KLHL29: variants seen among roughly 807,000 people sequenced by gnomAD.
The protein encoded by KLHL29 is kelch like family member 29.
A neutral mutation model predicts 80.4 loss-of-function variants in KLHL29; 21 were observed. The ratio of observed to expected loss-of-function variants is 0.26; its 90% CI spans 0.19 to 0.38. The LOEUF is 0.38. Among genes scored for constraint, KLHL29 ranks in the 10% least tolerant of loss-of-function variants. The probability of loss-of-function intolerance (pLI) is 1.00; values close to 1 mark genes in which losing one functional copy is unlikely to be tolerated. For synonymous variants in KLHL29, 511 were observed against 526.8 expected (o/e 0.97, Z 0.41); for missense variants, 867 against 1,223.9 (o/e 0.71, Z 4.35).
At chr2:23,639,367 A>T in intron 4 of KLHL29, 87 bp downstream of exon 4, 1 of 1,366,972 alleles carries the variant, frequency 7.3e-7, no homozygotes, top group Non-Finnish European at 9.9e-7. Context: ...ACTCCTGCAC[A>T]GCAGGTCTTG....
At chr2:23,395,595 A>C (rs1314880049) in intron 1 of KLHL29, among the ~76,000 whole-genome samples, 1 of 152,110 alleles carries the variant, frequency 6.6e-6, no homozygotes, top group Non-Finnish European at 1.5e-5. Context: ...AGCTACAAAA[A>C]TTAGCCAGGC....
chr2:23,579,348 T>TC (rs1667923890), intron 3 of KLHL29, among the ~76,000 whole-genome samples: 1 of 152,180 alleles, frequency 6.6e-6, no homozygotes, highest in African/African-American at 2.4e-5. Flanking sequence ...CCAGTTCTTT[T>TC]CCCCAGATGT....
intron 3 of KLHL29, among the ~76,000 whole-genome samples, chr2:23,605,575 C>T (rs1372209658): frequency 6.6e-6 from 1 of 152,122 alleles, no homozygotes; most frequent in Admixed American, 6.5e-5. Context: ...TGTTGAGCTA[C>T]AAAGTCGATT....
Position 23,520,999 on chromosome 2 carries a change from C to G in KLHL29, c.-45-41153C>G, listed in dbSNP as rs73919733. Among the ~76,000 whole-genome samples, 513 of 147,832 alleles carry G rather than the reference C, an allele frequency of 3.5e-3. 12 individuals carry two copies. The highest frequency in any genetic ancestry group is 0.011 in the African/African-American group (405 of 37,390). On this transcript the variant is annotated intron_variant, in intron 2 of 13. Transcript: ENST00000486442. Reference sequence around the variant, plus strand: ...TTTCATTTTACAAAGACCACCCCCCCCCCCGCTCCCCCTCAGGGGTGTTTC... The same window carrying G: ...TTTCATTTTACAAAGACCACCCCCCGCCCCGCTCCCCCTCAGGGGTGTTTC...
intron 5 of KLHL29, among the ~76,000 whole-genome samples, chr2:23,676,193 T>G (rs893453808): frequency 2.0e-5 from 3 of 152,038 alleles, no homozygotes; most frequent in Non-Finnish European, 1.5e-5. Flanking sequence ...TTTTGTTTTT[T>G]TTTTTTTTGA....
intron 1 of KLHL29, among the ~76,000 whole-genome samples, chr2:23,399,500 A>G (rs1250550052): frequency 6.6e-6 from 1 of 152,218 alleles, no homozygotes; most frequent in Non-Finnish European, 1.5e-5. Context: ...GTGTTTTACA[A>G]TTTAGCAACT....
rs184272331 is a variant in KLHL29 at position 23,560,724 on chromosome 2, G to A, written c.-45-1428G>A. Among the ~76,000 whole-genome samples the A allele has an allele frequency of 4.6e-5, 7 of 152,344 alleles. No individual in the cohort carries two copies. The East Asian group carries it at 1.4e-3, about 29-fold the overall frequency. On this transcript the variant is annotated intron_variant, in intron 2 of 13. Transcript: ENST00000486442. ...TCACCTGGGCTGCAGGGTGGGTTCA[G>A]GTCTGCCCAGTGTGCCTGGCAGAGG...
At chr2:23,634,806 T>C (rs1167817657) in intron 3 of KLHL29, among the ~76,000 whole-genome samples, 1 of 152,224 alleles carries the variant, frequency 6.6e-6, no homozygotes, top group African/African-American at 2.4e-5. Flanking sequence ...GCTGTTTCAC[T>C]GCTCTGCTCT....
chr2:23,657,239 CCCCCA>C (rs1670272103), intron 5 of KLHL29, among the ~76,000 whole-genome samples: 1 of 152,158 alleles, frequency 6.6e-6, no homozygotes, highest in African/African-American at 2.4e-5. Flanking sequence ...GTACGGAATT[CCCCCA>C]ACCCGGGCAC....
intron 3 of KLHL29, among the ~76,000 whole-genome samples, chr2:23,609,726 C>G (rs961946274): frequency 8.5e-5 from 13 of 152,138 alleles, no homozygotes; most frequent in African/African-American, 2.9e-4. Context: ...CCAGAGCCTA[C>G]TACAAGCACT....
At chr2:23,560,561 A>G (rs1216264444) in intron 2 of KLHL29, among the ~76,000 whole-genome samples, 2 of 152,200 alleles carry the variant, frequency 1.3e-5, no homozygotes, top group Non-Finnish European at 2.9e-5. Flanking sequence ...AGGCCACTGC[A>G]TCCAGCCTGG....
At chr2:23,604,508 T>A (rs1668656436) in intron 3 of KLHL29, among the ~76,000 whole-genome samples, 1 of 152,218 alleles carries the variant, frequency 6.6e-6, no homozygotes, top group South Asian at 2.1e-4. Flanking sequence ...TTGACAGTGA[T>A]GAAAATGACT....
intron 1 of KLHL29, among the ~76,000 whole-genome samples, chr2:23,444,976 A>G (rs1663630814): frequency 6.6e-6 from 1 of 152,234 alleles, no homozygotes; most frequent in South Asian, 2.1e-4. Flanking sequence ...GCAGGTCCTC[A>G]ATGTCATCCA....
At chr2:23,495,497 A>G (rs1317704332) in intron 2 of KLHL29, among the ~76,000 whole-genome samples, 1 of 152,180 alleles carries the variant, frequency 6.6e-6, no homozygotes, top group Admixed American at 6.5e-5. Flanking sequence ...AAACCAGTAC[A>G]ATACTCTTTA....
chr2:23,422,257 G>C (rs1478165919), intron 1 of KLHL29, among the ~76,000 whole-genome samples: 1 of 151,834 alleles, frequency 6.6e-6, no homozygotes. Context: ...TCATGTGTCT[G>C]TGTCTGTGTG....
chr2:23,690,049 G>A (rs982406254), intron 6 of KLHL29: 5 of 152,238 alleles, frequency 3.3e-5, no homozygotes, highest in African/African-American at 1.2e-4. Context: ...TGTGTGGGGA[G>A]GGCCTACTGT....
chr2:23,544,112 G>C (rs1666921739), intron 2 of KLHL29, among the ~76,000 whole-genome samples: 2 of 152,168 alleles, frequency 1.3e-5, no homozygotes. Flanking sequence ...CATCAGATAG[G>C]GGCAGTCTGG....
chr2:23,644,206 C>CT (rs1669855925), intron 5 of KLHL29: 1 of 151,416 alleles, frequency 6.6e-6, no homozygotes, highest in East Asian at 1.9e-4. Flanking sequence ...GCTTTAAGAT[C>CT]TTTTTTAAAA....
At position 23,680,561 on chromosome 2, in the gene KLHL29, C is replaced by T. The variant is rs183973177; in HGVS notation, c.941-3838C>T. Among the ~76,000 whole-genome samples the T allele has an allele frequency of 6.6e-6, 1 of 152,328 alleles. No individual in the cohort carries two copies. The highest frequency in any genetic ancestry group is 1.9e-4 in the East Asian group (1 of 5,172). ...CCAAGTCTTCATCCCACCTGGTAGGCTCAGCTGCCAGGACTCCACTCGCCA... is the reference window on the plus strand; with the variant it reads ...CCAAGTCTTCATCCCACCTGGTAGGTTCAGCTGCCAGGACTCCACTCGCCA... On this transcript the variant is annotated intron_variant, in intron 5 of 13. Coordinates refer to ENST00000486442, the MANE Select transcript of KLHL29 (RefSeq NM_052920.2). The surrounding 1 kb of genome is among the most constrained non-coding windows in gnomAD (Gnocchi z 4.1).
Sources: allele counts gnomAD v4.1 joint callset (sites outside exome capture counted in the v4.1 genomes callset), GRCh38; gene constraint gnomAD v4.1.1; non-coding constraint Gnocchi (gnomAD v3.1); transcripts MANE v1.5; gene names NCBI Gene and HGNC (gene_info 2026-07-23, HGNC 2026-07-21).